SCAF8: variants seen among roughly 807,000 people sequenced by gnomAD.
SCAF8 encodes the protein SR-related and CTD-associated factor 8.
Under a neutral mutation model 140.5 loss-of-function variants are expected in SCAF8, and 23 were observed. That is an observed-to-expected ratio of 0.16 (90% confidence interval 0.12 to 0.23). SCAF8 has a LOEUF of 0.23. Among genes scored for constraint, SCAF8 ranks in the 10% least tolerant of loss-of-function variants. The probability of loss-of-function intolerance (pLI) is 1.00; values close to 1 mark genes in which losing one functional copy is unlikely to be tolerated. For missense variants in SCAF8, 1,397 were observed against 1,555.7 expected (o/e 0.90, Z 1.72); for synonymous variants, 575 against 528.9 (o/e 1.09, Z -1.20).
intron 3 of SCAF8, among the ~76,000 whole-genome samples, chr6:154,786,338 A>G (rs978020460): frequency 3.9e-5 from 6 of 152,224 alleles, no homozygotes; most frequent in African/African-American, 1.4e-4. Context: ...TGATCCATCC[A>G]GTGAAAGGTC....
chr6:154,826,774 T>C (rs1375430584), intron 17 of SCAF8, among the ~76,000 whole-genome samples: 3 of 152,248 alleles, frequency 2.0e-5, no homozygotes, highest in East Asian at 3.8e-4. Context: ...TTTACTTCAG[T>C]GCTTAAAACA....
At chr6:154,788,486 C>A (rs1002246347) in intron 4 of SCAF8, among the ~76,000 whole-genome samples, 17 of 152,082 alleles carry the variant, frequency 1.1e-4, no homozygotes, top group African/African-American at 4.1e-4. Flanking sequence ...ATTACGGTAT[C>A]CATATTGCAT....
rs201132780 is a variant in SCAF8 at position 154,736,849 on chromosome 6, CTTAT to C, written c.30+2928_30+2931del. ...CAAAGAACTTAAGTCTTGTAACTTCCTTATTTATTTATATGCTCTAACTTCACCG... is the reference window on the plus strand; with the variant it reads ...CAAAGAACTTAAGTCTTGTAACTTCCTTATTTATATGCTCTAACTTCACCG... On this transcript the variant is annotated intron_variant, in intron 1 of 19. Coordinates refer to ENST00000367178, the MANE Select transcript of SCAF8 (RefSeq NM_014892.5). Among the ~76,000 whole-genome samples the C allele has an allele frequency of 7.4e-4, 113 of 152,238 alleles. No individual in the cohort carries two copies. In the East Asian group the frequency reaches 0.02, roughly 27 times the overall value.
At chr6:154,830,466 A>G (rs752183471) in intron 18 of SCAF8, among the ~76,000 whole-genome samples, 1 of 152,154 alleles carries the variant, frequency 6.6e-6, no homozygotes, top group Non-Finnish European at 1.5e-5. Flanking sequence ...TGTATTCTCA[A>G]CTGATGAGTT....
intron 1 of SCAF8, among the ~76,000 whole-genome samples, chr6:154,756,375 T>C (rs1026892046): frequency 2.0e-5 from 3 of 152,242 alleles, no homozygotes; most frequent in African/African-American, 7.2e-5. Flanking sequence ...TTTATAATGA[T>C]ATGTATATCA....
At chr6:154,827,461 GA>G (rs1164737479) in intron 18 of SCAF8, among the ~76,000 whole-genome samples, 2 of 152,144 alleles carry the variant, frequency 1.3e-5, no homozygotes, top group East Asian at 3.9e-4. Context: ...AAAATTCAGA[GA>G]AGGTCCTCTC....
At chr6:154,808,623 G>A in intron 10 of SCAF8, 63 bp from the exon 11 acceptor site, 1 of 1,032,586 alleles carries the variant, frequency 9.7e-7, no homozygotes, top group Non-Finnish European at 1.5e-6. Flanking sequence ...AAACAGAATT[G>A]TCAATGTATA....
chr6:154,766,555 T>G (rs1173349800), intron 1 of SCAF8, among the ~76,000 whole-genome samples: 1 of 152,054 alleles, frequency 6.6e-6, no homozygotes, highest in African/African-American at 2.4e-5. Context: ...TTGGAAGCAC[T>G]CTTCTTCATC....
chr6:154,762,020 A>T (rs934224440), intron 1 of SCAF8, among the ~76,000 whole-genome samples: 38 of 152,344 alleles, frequency 2.5e-4, no homozygotes, highest in African/African-American at 8.9e-4. Context: ...ATTGTTTTTA[A>T]ATTTAATTTC....
intron 1 of SCAF8, among the ~76,000 whole-genome samples, chr6:154,749,311 G>C (rs1318601656): frequency 6.6e-6 from 1 of 152,124 alleles, no homozygotes; most frequent in Non-Finnish European, 1.5e-5. Context: ...TAATTTTTGA[G>C]ATTGCTTTAA....
chr6:154,793,366 A>G (rs1329847595), intron 5 of SCAF8, among the ~76,000 whole-genome samples: 1 of 152,036 alleles, frequency 6.6e-6, no homozygotes, highest in African/African-American at 2.4e-5. Context: ...CAAAATTTCA[A>G]AATCGTGTTC....
intron 1 of SCAF8, among the ~76,000 whole-genome samples, chr6:154,735,749 A>G (rs1778399493): frequency 6.6e-6 from 1 of 152,072 alleles, no homozygotes; most frequent in South Asian, 2.1e-4. Context: ...CCTGACCTCA[A>G]GTGATCCACC....
chr6:154,816,321 A>G (rs1778247179), intron 13 of SCAF8, among the ~76,000 whole-genome samples: 1 of 152,170 alleles, frequency 6.6e-6, no homozygotes, highest in East Asian at 1.9e-4. Context: ...AGGTAAGAAA[A>G]TCAGTATGGC....
intron 1 of SCAF8, among the ~76,000 whole-genome samples, chr6:154,734,173 G>A (rs1416193061): frequency 6.6e-6 from 1 of 152,206 alleles, no homozygotes; most frequent in East Asian, 1.9e-4. Context: ...GGCGTCCTAT[G>A]GAATGGCTGC....
At chr6:154,742,340 C>T (rs771054051) in intron 1 of SCAF8, among the ~76,000 whole-genome samples, 2 of 152,044 alleles carry the variant, frequency 1.3e-5, no homozygotes, top group Non-Finnish European at 2.9e-5. Flanking sequence ...TTGCAGACCT[C>T]TTAATTGAAT....
chr6:154,758,451 A>C (rs542761667), intron 1 of SCAF8, among the ~76,000 whole-genome samples: 10 of 152,208 alleles, frequency 6.6e-5, no homozygotes, highest in African/African-American at 2.2e-4. Context: ...AGTGGTTTAC[A>C]TGGATTGTAG....
intron 4 of SCAF8, among the ~76,000 whole-genome samples, chr6:154,788,699 T>C (rs1015952220): frequency 7.2e-5 from 11 of 152,242 alleles, no homozygotes; most frequent in African/African-American, 2.2e-4. Context: ...AAAATTCTTC[T>C]ATTATGGTAG....
At chr6:154,795,231 CT>C in intron 6 of SCAF8, 92 bp downstream of exon 6, 6 of 1,111,738 alleles carry the variant, frequency 5.4e-6, no homozygotes, top group Non-Finnish European at 6.1e-6. Flanking sequence ...AGAATATGTG[CT>C]TTTTTTAGTT....
chr6:154,833,978 A>G lies in SCAF8; in HGVS notation c.*583A>G, dbSNP rs914049054. On this transcript the variant is annotated 3_prime_UTR_variant, in exon 20 of 20. Coordinates refer to ENST00000367178, the MANE Select transcript of SCAF8 (RefSeq NM_014892.5). ...GCAGTGAGTAAAAAAGAAACAAGAA[A>G]ACAACAACATAAATATTAAAGTACG... is the stretch of plus-strand genomic sequence containing the variant. 1 of 152,310 alleles carries G rather than the reference A, an allele frequency of 6.6e-6. No homozygotes were observed. The highest frequency in any genetic ancestry group is 1.5e-5 in the Non-Finnish European group (1 of 68,038). 9.4% of individuals were successfully genotyped at this position (152,310 alleles called of 1,614,324 possible).
Sources: gnomAD v4.1 joint callset for allele counts (sites outside exome capture counted in the v4.1 genomes callset) on GRCh38, gnomAD v4.1.1 for gene constraint, MANE v1.5 for transcripts, NCBI Gene and HGNC (gene_info 2026-07-23, HGNC 2026-07-21) for gene names.